SORCS3: variants seen among roughly 807,000 people sequenced by gnomAD.
The protein encoded by SORCS3 is VPS10 domain-containing receptor SorCS3.
SORCS3 carries 57 observed loss-of-function variants against 146.3 expected under a neutral mutation model. The ratio of observed to expected loss-of-function variants is 0.39; its 90% CI spans 0.31 to 0.49. The LOEUF (loss-of-function observed/expected upper bound fraction) is 0.49. Among genes scored for constraint, SORCS3 ranks in the 20% least tolerant of loss-of-function variants. The pLI, the probability that SORCS3 is intolerant of heterozygous loss-of-function variation, is 0.92. For synonymous variants in SORCS3, 653 were observed against 618.5 expected (o/e 1.06, Z -0.83); for missense variants, 1,341 against 1,575.5 (o/e 0.85, Z 2.52).
chr10:104,668,125 T>C (rs2015805773), intron 1 of SORCS3, among the ~76,000 whole-genome samples: 1 of 152,222 alleles, frequency 6.6e-6, no homozygotes, highest in Non-Finnish European at 1.5e-5. Flanking sequence ...GTTGGAGGTC[T>C]GCAATTAGAC....
chr10:104,930,986 T>C (rs1312894951), intron 3 of SORCS3, among the ~76,000 whole-genome samples: 1 of 152,176 alleles, frequency 6.6e-6, no homozygotes, highest in East Asian at 1.9e-4. Flanking sequence ...CTCAGGACAA[T>C]GGGCCCTTGA....
intron 3 of SORCS3, among the ~76,000 whole-genome samples, chr10:104,955,844 A>C (rs1321853470): frequency 1.3e-5 from 2 of 152,172 alleles, no homozygotes; most frequent in African/African-American, 4.8e-5. Context: ...GAAAGACAAT[A>C]AATTGGGCTC....
chr10:104,987,044 A>G (rs2054966082), intron 4 of SORCS3, among the ~76,000 whole-genome samples: 1 of 152,196 alleles, frequency 6.6e-6, no homozygotes, highest in African/African-American at 2.4e-5. Context: ...GTGAAGCACA[A>G]TGAAATGATG....
intron 14 of SORCS3, among the ~76,000 whole-genome samples, chr10:105,196,295 C>T (rs1476164372): frequency 6.6e-6 from 1 of 152,186 alleles, no homozygotes; most frequent in African/African-American, 2.4e-5. Context: ...TTGTTAGAAC[C>T]TTTGTCTGTT....
intron 1 of SORCS3, among the ~76,000 whole-genome samples, chr10:104,747,767 A>G (rs2016928253): frequency 6.6e-6 from 1 of 152,224 alleles, no homozygotes; most frequent in African/African-American, 2.4e-5. Context: ...ATCAGTAGAA[A>G]ATATGTAACA....
At chr10:104,678,045 T>G (rs1478864285) in intron 1 of SORCS3, among the ~76,000 whole-genome samples, 2 of 152,274 alleles carry the variant, frequency 1.3e-5, no homozygotes, top group South Asian at 2.1e-4. Flanking sequence ...ACATAATCCA[T>G]GTCAATGTTA....
At chr10:104,698,482 A>G (rs2016243439) in intron 1 of SORCS3, among the ~76,000 whole-genome samples, 1 of 152,162 alleles carries the variant, frequency 6.6e-6, no homozygotes, top group Non-Finnish European at 1.5e-5. Flanking sequence ...TTGATACTCA[A>G]CAGCCCCTCT....
chr10:105,159,189 G>T (rs1365881683), intron 11 of SORCS3, among the ~76,000 whole-genome samples, 195 bp downstream of exon 11: 1 of 152,100 alleles, frequency 6.6e-6, no homozygotes, highest in East Asian at 1.9e-4. Context: ...TAATTCCTAG[G>T]CTCATGCATC....
At chr10:104,725,412 A>T (rs2016614176) in intron 1 of SORCS3, among the ~76,000 whole-genome samples, 2 of 152,116 alleles carry the variant, frequency 1.3e-5, no homozygotes, top group Admixed American at 1.3e-4. Flanking sequence ...CAGTTAGGCT[A>T]CTCGGGAATC....
intron 14 of SORCS3, among the ~76,000 whole-genome samples, chr10:105,185,865 T>C (rs376743524): frequency 1.3e-5 from 2 of 152,232 alleles, no homozygotes; most frequent in African/African-American, 4.8e-5. Context: ...GGTATCACTT[T>C]ATATGTTTTC....
chr10:104,866,445 T>A (rs2018459746), intron 2 of SORCS3, among the ~76,000 whole-genome samples: 1 of 152,148 alleles, frequency 6.6e-6, no homozygotes, highest in South Asian at 2.1e-4. Flanking sequence ...TGTTTATACT[T>A]TGAGTCCTTC....
chr10:104,717,876 C>T (rs1157110556), intron 1 of SORCS3, among the ~76,000 whole-genome samples: 2 of 151,846 alleles, frequency 1.3e-5, no homozygotes, highest in African/African-American at 2.4e-5. Flanking sequence ...CATGGTGGCT[C>T]ACGCCTGTAA....
intron 22 of SORCS3, among the ~76,000 whole-genome samples, chr10:105,248,194 A>G (rs770312149): frequency 6.6e-6 from 1 of 152,232 alleles, no homozygotes; most frequent in Non-Finnish European, 1.5e-5. Context: ...TGGTCAATTG[A>G]AATGTAGAAA....
At position 104,907,820 on chromosome 10, in the gene SORCS3, T is replaced by C. The variant is rs192982573; in HGVS notation, c.696-8013T>C. ...GTTTCTGAAGCAGAGGGTGGGGCAA[T>C]ACCCACTTGGAGAATGAAGCTGTTT... On this transcript the variant is annotated intron_variant, in intron 2 of 26. Coordinates refer to ENST00000369701, the MANE Select transcript of SORCS3 (RefSeq NM_014978.3). 8.5e-5 allele frequency among the ~76,000 whole-genome samples: 13 copies of C among 152,344 alleles called. No individual in the cohort carries two copies. The East Asian group carries it at 2.1e-3, about 25-fold the overall frequency.
chr10:105,054,361 TA>T (rs2055432365), intron 5 of SORCS3, among the ~76,000 whole-genome samples: 1 of 151,750 alleles, frequency 6.6e-6, no homozygotes, highest in South Asian at 2.1e-4. Context: ...ACAAACTTTT[TA>T]TTTGAAATGC....
At chr10:105,120,397 G>C (rs936850359) in intron 7 of SORCS3, among the ~76,000 whole-genome samples, 4 of 152,116 alleles carry the variant, frequency 2.6e-5, no homozygotes, top group Non-Finnish European at 4.4e-5. Context: ...CTTTCTCTTT[G>C]AGTAAGTCCA....
intron 6 of SORCS3, among the ~76,000 whole-genome samples, chr10:105,092,194 A>C (rs1193808866): frequency 6.6e-6 from 1 of 152,224 alleles, no homozygotes; most frequent in Non-Finnish European, 1.5e-5. Context: ...GACTTCCGTG[A>C]AATTTTATGA....
chr10:104,680,980 G>A (rs2015965613), intron 1 of SORCS3, among the ~76,000 whole-genome samples: 1 of 152,240 alleles, frequency 6.6e-6, no homozygotes, highest in Non-Finnish European at 1.5e-5. Context: ...GGAGGGACAG[G>A]CGCCAGGGCA....
At chr10:104,807,245 G>A (rs1206503299) in intron 1 of SORCS3, among the ~76,000 whole-genome samples, 1 of 152,056 alleles carries the variant, frequency 6.6e-6, no homozygotes, top group African/African-American at 2.4e-5. Flanking sequence ...GCATGCACAT[G>A]CATTTTGTAC....
Sources: allele counts gnomAD v4.1 joint callset (sites outside exome capture counted in the v4.1 genomes callset), GRCh38; gene constraint gnomAD v4.1.1; transcripts MANE v1.5; gene names NCBI Gene and HGNC (gene_info 2026-07-23, HGNC 2026-07-21).